The following SMAD2 variants were observed in gnomAD, a reference collection of about 807,000 sequenced individuals.
The protein encoded by SMAD2 is SMAD family member 2, also known as MAD homolog 2.
Under a neutral mutation model 64.4 loss-of-function variants are expected in SMAD2, and 8 were observed. That is an observed-to-expected ratio of 0.12 (90% CI 0.07 to 0.22). SMAD2 has a LOEUF of 0.22. SMAD2 is among the 10% of genes least tolerant of loss of function. The pLI, the probability that SMAD2 is intolerant of heterozygous loss-of-function variation, is 1.00. For synonymous variants in SMAD2, 203 were observed against 195.8 expected (o/e 1.04, Z -0.31); for missense variants, 289 against 561.2 (o/e 0.51, Z 4.90).
chr18:47,852,069 A>C (rs535420636), intron 6 of SMAD2, among the ~76,000 whole-genome samples: 33 of 152,144 alleles, frequency 2.2e-4, no homozygotes, highest in Non-Finnish European at 4.3e-4. Context: ...GTACAGTTTT[A>C]ATTTTGAGTA....
chr18:47,914,104 TTTAA>T (rs1437148469), intron 1 of SMAD2, among the ~76,000 whole-genome samples: 1 of 152,214 alleles, frequency 6.6e-6, no homozygotes, highest in Non-Finnish European at 1.5e-5. Flanking sequence ...TCTCTGCACA[TTTAA>T]TTAAACAACA....
Position 47,829,456 on chromosome 18 carries a change from T to C in SMAD2, c.*12371A>G, listed in dbSNP as rs1273929908. ...CATACAAATGGGGAAAGAGTGGATA[T>C]AAAAAATATGCACCCACCTTCAATC... On this transcript the variant is annotated 3_prime_UTR_variant, in exon 11 of 11. Coordinates refer to ENST00000262160, the MANE Select transcript of SMAD2 (RefSeq NM_005901.6). The C allele has an allele frequency of 6.6e-6, 1 of 151,366 alleles. No homozygotes were observed. The highest frequency in any genetic ancestry group is 1.5e-5 in the Non-Finnish European group (1 of 67,872). The allele number at this position is 151,366 out of a possible 1,614,324, so 9.4% of individuals were successfully genotyped here. A position where few individuals can be genotyped will look rare whatever the true frequency, so the allele number is the denominator to read the frequency against.
At chr18:47,888,880 C>G (rs1568086341) in intron 2 of SMAD2, among the ~76,000 whole-genome samples, 1 of 152,076 alleles carries the variant, frequency 6.6e-6, no homozygotes. Context: ...GACATTAGAA[C>G]TGCCACACAG....
intron 1 of SMAD2, 28 bp downstream of exon 1, chr18:47,930,333 T>A (rs896907404): frequency 7.2e-5 from 11 of 152,070 alleles, no homozygotes; most frequent in African/African-American, 2.7e-4. Flanking sequence ...CTTCCCTAGC[T>A]GGAGGCCCGC....
chr18:47,878,135 T>C (rs2032374358), intron 2 of SMAD2, among the ~76,000 whole-genome samples: 1 of 152,176 alleles, frequency 6.6e-6, no homozygotes, highest in Non-Finnish European at 1.5e-5. Flanking sequence ...ACATTCCAGA[T>C]ACCCAAGCTG....
rs1912670324 is a variant in SMAD2, at chr18:47,824,234, C to T, written c.*17593G>A. On this transcript the variant is annotated 3_prime_UTR_variant, in exon 11 of 11. Coordinates refer to ENST00000262160, the MANE Select transcript of SMAD2 (RefSeq NM_005901.6). The stretch of plus-strand genomic sequence containing the variant: ...AATCAAGAGTCATGTTTCCAAAAGC[C>T]CTGACAAATGGAGCCAGGGAAGTCC... 1.3e-5 allele frequency: 2 copies of T among 152,112 alleles called. No homozygotes were observed. The highest frequency in any genetic ancestry group is 1.3e-4 in the Admixed American group (2 of 15,262). The allele number at this position is 152,112 out of a possible 1,614,324, so 9.4% of individuals were successfully genotyped here.
At position 47,823,139 on chromosome 18, in the gene SMAD2, C is replaced by T. The variant is rs1912629940; in HGVS notation, c.*18688G>A. On this transcript the variant is annotated 3_prime_UTR_variant, in exon 11 of 11. Coordinates refer to ENST00000262160, the MANE Select transcript of SMAD2 (RefSeq NM_005901.6). ...TGAGAATGTGTAGAATGCCTGGCTT[C>T]AATGGTTCTCAGCATTACACTGAAT... 2 of 152,140 alleles carry T rather than the reference C, an allele frequency of 1.3e-5. No homozygotes were observed. Among genetic ancestry groups the T allele is most frequent in the African/African-American group, 4.8e-5 (2 of 41,434 alleles). The allele number at this position is 152,140 out of a possible 1,614,324, so 9.4% of individuals were successfully genotyped here.
At chr18:47,850,752 TATA>T (rs1451827734) in intron 7 of SMAD2, among the ~76,000 whole-genome samples, 1 of 14,954 alleles carries the variant, frequency 6.7e-5, no homozygotes, top group African/African-American at 2.7e-4. Context: ...TATTATATAT[TATA>T]TATATATTAT....
chr18:47,929,258 T>TA (rs1419507121), intron 1 of SMAD2, among the ~76,000 whole-genome samples: 1 of 152,198 alleles, frequency 6.6e-6, no homozygotes, highest in African/African-American at 2.4e-5. Flanking sequence ...TAAAGGGTGT[T>TA]AAAGTAGAAT....
At chr18:47,883,970 GATA>G (rs1211063631) in intron 2 of SMAD2, among the ~76,000 whole-genome samples, 2 of 152,082 alleles carry the variant, frequency 1.3e-5, no homozygotes, top group Non-Finnish European at 2.9e-5. Flanking sequence ...TCCACCTGTT[GATA>G]TTAGAGAAAT....
In SMAD2 at chr18:47,836,180, A is replaced by G. The variant is rs1474638696; in HGVS notation, c.*5647T>C. 1.8e-5 allele frequency: 4 copies of G among 221,280 alleles called. No individual in the cohort carries two copies. Among genetic ancestry groups the G allele is most frequent in the Non-Finnish European group, 3.6e-5 (4 of 110,592 alleles). 13.7% of individuals were successfully genotyped at this position (221,280 alleles called of 1,614,324 possible). Reference sequence around the variant, plus strand: ...TCTGAATCACCTTCAATCAGGCTGTAAGATACTAGAAAATTTGACCTTGTA... The same window carrying G: ...TCTGAATCACCTTCAATCAGGCTGTGAGATACTAGAAAATTTGACCTTGTA... On this transcript the variant is annotated 3_prime_UTR_variant, in exon 11 of 11. Transcript: ENST00000262160.
intron 6 of SMAD2, among the ~76,000 whole-genome samples, chr18:47,857,201 CTGTT>C (rs1282922382): frequency 6.6e-5 from 10 of 152,130 alleles, no homozygotes; most frequent in Non-Finnish European, 1.3e-4. Flanking sequence ...GTGTAGAACA[CTGTT>C]TAACTTTTAT....
chr18:47,845,073 A>AC, intron 10 of SMAD2: 1 of 596,664 alleles, frequency 1.7e-6, no homozygotes, highest in Non-Finnish European at 3.0e-6. Context: ...AACTGACATA[A>AC]CCCTTCATAT....
In SMAD2 at chr18:47,834,910, G is replaced by C; in HGVS notation, c.*6917C>G. ...ATATTAAAACAAAGGCTGCCAGCTG[G>C]AGACACAGCCCTCCGATTACAAAGG... is the stretch of plus-strand genomic sequence containing the variant. On this transcript the variant is annotated 3_prime_UTR_variant, in exon 11 of 11. Transcript: ENST00000262160. 4.5e-6 allele frequency: 1 copy of C among 223,466 alleles called. No homozygotes were observed. Among genetic ancestry groups the C allele is most frequent in the Non-Finnish European group, 8.9e-6 (1 of 111,774 alleles). The allele number at this position is 223,466 out of a possible 1,614,324, so 13.8% of individuals were successfully genotyped here.
intron 6 of SMAD2, among the ~76,000 whole-genome samples, chr18:47,862,057 T>C (rs1344069143): frequency 2.6e-5 from 4 of 152,218 alleles, no homozygotes; most frequent in Admixed American, 6.5e-5. Flanking sequence ...GGAGTAAGTC[T>C]TGTAAGTGGA....
chr18:47,910,933 A>G (rs1374084124), intron 1 of SMAD2, among the ~76,000 whole-genome samples: 13 of 152,322 alleles, frequency 8.5e-5, no homozygotes, highest in South Asian at 2.1e-4. Flanking sequence ...GGTCAACTGT[A>G]TATTTACTAA....
At chr18:47,921,836 A>G (rs2034573430) in intron 1 of SMAD2, among the ~76,000 whole-genome samples, 1 of 152,234 alleles carries the variant, frequency 6.6e-6, no homozygotes, top group Non-Finnish European at 1.5e-5. Context: ...TGTATACATA[A>G]GAGAAAACTT....
Position 47,830,969 on chromosome 18 carries a change from C to T in SMAD2, c.*10858G>A, listed in dbSNP as rs957689438. On this transcript the variant is annotated 3_prime_UTR_variant, in exon 11 of 11. Transcript: ENST00000262160. ...CTAAGTTTCACTTAATACACACACA[C>T]ACACTAGGGTTTATATGTAGCAACT... 1 of 152,370 alleles carries T rather than the reference C, an allele frequency of 6.6e-6. No individual in the cohort carries two copies. Among genetic ancestry groups the T allele is most frequent in the African/African-American group, 2.4e-5 (1 of 41,410 alleles). The allele number at this position is 152,370 out of a possible 1,614,324, so 9.4% of individuals were successfully genotyped here. A position where few individuals can be genotyped will look rare whatever the true frequency, so the allele number is the denominator to read the frequency against.
At chr18:47,850,052 C>T (rs114927456) in intron 7 of SMAD2, among the ~76,000 whole-genome samples, 2,459 of 147,782 alleles carry the variant, frequency 0.017, 62 homozygotes, top group African/African-American at 0.057. Flanking sequence ...TTTTTACTGT[C>T]GTATTGTTAT....
Sources: allele counts gnomAD v4.1 joint callset (sites outside exome capture counted in the v4.1 genomes callset), GRCh38; gene constraint gnomAD v4.1.1; transcripts MANE v1.5; gene names NCBI Gene and HGNC (gene_info 2026-07-23, HGNC 2026-07-21).